Variants in ATP10A observed in about 807,000 individuals in gnomAD.
ATP10A encodes the protein phospholipid-transporting ATPase VA.
Under a neutral mutation model 147.8 loss-of-function variants are expected in ATP10A, and 111 were observed. The observed-to-expected ratio is 0.75, with a 90% CI of 0.64 to 0.88. ATP10A has a LOEUF of 0.88. ATP10A is among the 40% of genes least tolerant of loss of function. ATP10A has a pLI of 0.00. For missense variants in ATP10A, 1,927 were observed against 1,959.0 expected (o/e 0.98, Z 0.31); for synonymous variants, 875 against 841.6 (o/e 1.04, Z -0.69).
chr15:25,777,032 T>C (rs1279904175), intron 2 of ATP10A, among the ~76,000 whole-genome samples: 1 of 152,042 alleles, frequency 6.6e-6, no homozygotes, highest in Non-Finnish European at 1.5e-5. Flanking sequence ...CTCCACGTAT[T>C]GGTCCCATGG....
upstream of ATP10A, among the ~76,000 whole-genome samples, chr15:25,864,662 A>T (rs1338003904): frequency 6.6e-6 from 1 of 152,120 alleles, no homozygotes; most frequent in Non-Finnish European, 1.5e-5. Flanking sequence ...GGCTTTTGAC[A>T]TGTAGAGGCC....
Position 25,815,598 on chromosome 15 carries a change from G to C in ATP10A, c.450-34375C>G, listed in dbSNP as rs374221749. ...AATCCTAAAGAGCAAAGAAACTTAA[G>C]AGTTCACCTCTCGCAACTGTTACCC... On this transcript the variant is annotated intron_variant, in intron 1 of 20. Transcript: ENST00000555815. 2.4e-3 allele frequency among the ~76,000 whole-genome samples: 24 copies of C among 9,828 alleles called. No individual in the cohort carries two copies. In the East Asian group the frequency reaches 0.066, roughly 27 times the overall value. 6.4% of individuals were successfully genotyped at this position (9,828 alleles called of 152,430 possible).
intron 1 of ATP10A, among the ~76,000 whole-genome samples, chr15:25,859,947 G>A (rs1893682843): frequency 6.6e-6 from 1 of 152,098 alleles, no homozygotes; most frequent in Admixed American, 6.5e-5. Flanking sequence ...CGCTTGGACC[G>A]ACACTCCTAT....
In ATP10A at chr15:25,721,643, AC is replaced by A. The variant is rs780224901; in HGVS notation, c.1363+13del. The A allele has an allele frequency of 1.4e-5, 22 of 1,605,514 alleles. No individual in the cohort carries two copies. In the East Asian group the frequency reaches 4.3e-4, roughly 31 times the overall value. On this transcript the variant is annotated intron_variant, in intron 7 of 20. Coordinates refer to ENST00000555815, the MANE Select transcript of ATP10A (RefSeq NM_024490.4). ...GTTCAGCCTGGGTTGGGAGCCCCGC[AC>A]CCCCAGACTCACCATTTGCATCATG...
chr15:25,813,681 T>C (rs1287199826), intron 1 of ATP10A, among the ~76,000 whole-genome samples: 2 of 152,154 alleles, frequency 1.3e-5, no homozygotes, highest in Non-Finnish European at 2.9e-5. Context: ...TGGAATGGAT[T>C]AAAAAATAAA....
intron 1 of ATP10A, among the ~76,000 whole-genome samples, chr15:25,843,953 T>A (rs930951710): frequency 6.6e-6 from 1 of 152,076 alleles, no homozygotes; most frequent in African/African-American, 2.4e-5. Flanking sequence ...TTAGAGTGCT[T>A]GTCTGAAATG....
intron 12 of ATP10A, among the ~76,000 whole-genome samples, chr15:25,703,838 T>A (rs375401559): frequency 2.6e-5 from 4 of 152,192 alleles, no homozygotes; most frequent in African/African-American, 9.7e-5. Flanking sequence ...CTAGCTCCCA[T>A]GTCGGGGATG....
intron 1 of ATP10A, among the ~76,000 whole-genome samples, chr15:25,835,975 G>A (rs541344998): frequency 2.2e-4 from 34 of 152,238 alleles, no homozygotes; most frequent in Admixed American, 1.2e-3. Context: ...CACCACGGCC[G>A]GCTAATTTTG....
At chr15:25,858,308 G>A (rs571469357) in intron 1 of ATP10A, among the ~76,000 whole-genome samples, 7 of 152,232 alleles carry the variant, frequency 4.6e-5, no homozygotes, top group Non-Finnish European at 7.4e-5. Context: ...GTGCTTCCCA[G>A]GGGAAAGATG....
rs777940858 is a variant in ATP10A at position 25,716,747 on chromosome 15, C to T, written c.1759G>A (p.Asp587Asn). The T allele has an allele frequency of 2.3e-5, 37 of 1,591,588 alleles. 2 individuals are homozygous for T. In the South Asian group the frequency reaches 4.2e-4, roughly 18 times the overall value. Residue 587 changes from aspartate to asparagine, a missense_variant, in exon 9 of 21, where the codon GAT becomes AAT. Physicochemically the swap from Asp to Asn is conservative, Grantham distance 23. Coordinates refer to ENST00000555815, the MANE Select transcript of ATP10A (RefSeq NM_024490.4). ...GAACTTGCCTTTGTTCGTGGCTGATCCGGGGACGTGACGACGACTGTGTTG... is the reference window on the plus strand; with the variant it reads ...GAACTTGCCTTTGTTCGTGGCTGATTCGGGGACGTGACGACGACTGTGTTG... ...ICNTVVVTSPDQPRTKVRVRF... is the reference protein window; with the variant it reads ...ICNTVVVTSPNQPRTKVRVRF...
At chr15:25,702,417 T>C (rs528444579) in intron 12 of ATP10A, among the ~76,000 whole-genome samples, 2 of 152,342 alleles carry the variant, frequency 1.3e-5, no homozygotes, top group African/African-American at 4.8e-5. Context: ...TCTTTCTAAC[T>C]TGTAACTTTA....
At chr15:25,747,975 T>TC (rs1887935349) in intron 2 of ATP10A, among the ~76,000 whole-genome samples, 1 of 152,074 alleles carries the variant, frequency 6.6e-6, no homozygotes, top group African/African-American at 2.4e-5. Flanking sequence ...TTTTTTTTTT[T>TC]CTTTTTTGAG....
intron 19 of ATP10A, 86 bp from the exon 20 acceptor site, chr15:25,680,394 G>C: frequency 7.2e-7 from 1 of 1,395,580 alleles, no homozygotes; most frequent in East Asian, 2.3e-5. Flanking sequence ...AGTCATCAAT[G>C]AGCAGGTGTG....
intron 10 of ATP10A, among the ~76,000 whole-genome samples, chr15:25,713,317 C>G (rs1901556212): frequency 1.3e-5 from 2 of 152,198 alleles, no homozygotes; most frequent in African/African-American, 4.8e-5. Flanking sequence ...TAAACTGTGG[C>G]CTGGATCTCT....
chr15:25,713,794 A>G lies in ATP10A; in HGVS notation c.2224T>C (p.Phe742Leu). ...LTFELLHTLGFDSVRKRMSVV... is the reference protein window; with the variant it reads ...LTFELLHTLGLDSVRKRMSVV... The stretch of plus-strand genomic sequence containing the variant: ...GACATCCTCTTGCGGACGGAATCGA[A>G]ACCCAGTGTGTGCAGGAGCTCGAAG... The change falls in exon 10 of 21, where the codon TTC (phenylalanine) becomes CTC (leucine). Residue 742 changes from phenylalanine to leucine, a missense_variant. Transcript: ENST00000555815. The G allele has an allele frequency of 6.2e-7, 1 of 1,614,118 alleles. No homozygotes were observed. Among genetic ancestry groups the G allele is most frequent in the Non-Finnish European group, 8.5e-7 (1 of 1,180,036 alleles).
At chr15:25,838,621 C>G (rs1892683769) in intron 1 of ATP10A, among the ~76,000 whole-genome samples, 1 of 152,190 alleles carries the variant, frequency 6.6e-6, no homozygotes, top group Admixed American at 6.5e-5. Context: ...TGTTATTACT[C>G]AAGTGCAGAT....
chr15:25,732,167 T>C (rs1012581477), intron 3 of ATP10A, among the ~76,000 whole-genome samples: 2 of 152,090 alleles, frequency 1.3e-5, no homozygotes, highest in African/African-American at 2.4e-5. Flanking sequence ...CACAGGCTAA[T>C]TTTTTTTCTG....
chr15:25,860,148 G>A (rs1893693229), intron 1 of ATP10A, among the ~76,000 whole-genome samples: 1 of 152,134 alleles, frequency 6.6e-6, no homozygotes, highest in South Asian at 2.1e-4. Flanking sequence ...AGGGCTTCAT[G>A]TCGATGCTTC....
At chr15:25,856,788 T>G (rs75719862) in intron 1 of ATP10A, among the ~76,000 whole-genome samples, 2 of 151,774 alleles carry the variant, frequency 1.3e-5, no homozygotes, top group Non-Finnish European at 2.9e-5. Context: ...ACAACAAAAA[T>G]TCAAACCTGA....
Sources: allele counts gnomAD v4.1 joint callset (sites outside exome capture counted in the v4.1 genomes callset), GRCh38; gene constraint gnomAD v4.1.1; transcripts MANE v1.5; gene names NCBI Gene and HGNC (gene_info 2026-07-23, HGNC 2026-07-21).